SPMIP7: variants seen among roughly 807,000 people sequenced by gnomAD.
The protein encoded by SPMIP7 is protein SPMIP7.
At chr7:50,122,186 T>C in the SPMIP7 span, among the ~76,000 whole-genome samples, 1 of 152,206 alleles carries the variant, frequency 6.6e-6, no homozygotes, top group Non-Finnish European at 1.5e-5. Flanking sequence ...GTCCTCTGAA[T>C]GTATGTATGA....
At chr7:50,135,858 A>G in the SPMIP7 span, among the ~76,000 whole-genome samples, 87 of 152,318 alleles carry the variant, frequency 5.7e-4, 1 homozygote, top group Middle Eastern at 0.017. Flanking sequence ...ACAGGTGGAT[A>G]ATGAGACAGA....
the SPMIP7 span, among the ~76,000 whole-genome samples, chr7:50,099,222 A>T: frequency 6.6e-6 from 1 of 152,140 alleles, no homozygotes; most frequent in Admixed American, 6.5e-5. Flanking sequence ...CAAGTCCTCT[A>T]TGTCCTTATC....
At chr7:50,115,831 T>C in the SPMIP7 span, among the ~76,000 whole-genome samples, 1 of 152,184 alleles carries the variant, frequency 6.6e-6, no homozygotes, top group South Asian at 2.1e-4. Flanking sequence ...TATCCTTAAA[T>C]TAATAATGGA....
At chr7:50,120,202 A>G in the SPMIP7 span, 2 of 152,208 alleles carry the variant, frequency 1.3e-5, no homozygotes, top group Non-Finnish European at 2.9e-5. Flanking sequence ...CAAAATTCAT[A>G]CTAACCTTAA....
the SPMIP7 span, among the ~76,000 whole-genome samples, chr7:50,156,977 T>G: frequency 1.3e-5 from 2 of 152,154 alleles, no homozygotes; most frequent in Admixed American, 6.5e-5. Context: ...AACCTGAACC[T>G]CCTGGCTCTG....
At chr7:50,134,916 C>T in the SPMIP7 span, among the ~76,000 whole-genome samples, 1 of 152,166 alleles carries the variant, frequency 6.6e-6, no homozygotes, top group African/African-American at 2.4e-5. Flanking sequence ...TGACGTGACA[C>T]AGACCCAATT....
the SPMIP7 span, among the ~76,000 whole-genome samples, chr7:50,152,768 C>T: frequency 6.6e-6 from 1 of 151,936 alleles, no homozygotes; most frequent in Non-Finnish European, 1.5e-5. Context: ...CTCACTGCAA[C>T]CTCTTTCTCC....
chr7:50,141,368 T>C, the SPMIP7 span: 1 of 1,550,364 alleles, frequency 6.5e-7, no homozygotes, highest in East Asian at 2.4e-5. Flanking sequence ...ACTCTAAGCC[T>C]CTTTATACAA....
At chr7:50,141,268 T>C in the SPMIP7 span, 1 of 1,501,986 alleles carries the variant, frequency 6.7e-7, no homozygotes, top group African/African-American at 1.4e-5. Context: ...TTCTTTCCTT[T>C]CCATTCTAAC....
the SPMIP7 span, among the ~76,000 whole-genome samples, chr7:50,121,794 C>T: frequency 6.6e-6 from 1 of 151,698 alleles, no homozygotes; most frequent in African/African-American, 2.4e-5. Flanking sequence ...GCTAGGATTA[C>T]AGGCACTTGC....
the SPMIP7 span, among the ~76,000 whole-genome samples, chr7:50,156,229 A>G: frequency 6.6e-6 from 1 of 152,120 alleles, no homozygotes; most frequent in Admixed American, 6.5e-5. Flanking sequence ...TATCACTCTG[A>G]TTGTATCTAG....
chr7:50,114,459 A>T, the SPMIP7 span, among the ~76,000 whole-genome samples: 1 of 152,120 alleles, frequency 6.6e-6, no homozygotes, highest in East Asian at 1.9e-4. Context: ...GGAGTTAAAG[A>T]TGTATATTGT....
chr7:50,134,210 T>C, the SPMIP7 span: 1 of 1,549,256 alleles, frequency 6.5e-7, no homozygotes, highest in Non-Finnish European at 8.7e-7. Flanking sequence ...AGTGTTTTAC[T>C]CTGAAAAGAT....
At chr7:50,115,906 A>C in the SPMIP7 span, among the ~76,000 whole-genome samples, 1 of 152,272 alleles carries the variant, frequency 6.6e-6, no homozygotes, top group East Asian at 1.9e-4. Flanking sequence ...TCCCCTGTGT[A>C]AGCAATCTCA....
At chr7:50,108,684 G>A in the SPMIP7 span, among the ~76,000 whole-genome samples, 1 of 152,062 alleles carries the variant, frequency 6.6e-6, no homozygotes, top group Non-Finnish European at 1.5e-5. Context: ...TACTTACATT[G>A]ATTGTACCTA....
chr7:50,136,268 G>A, the SPMIP7 span: 4 of 824,390 alleles, frequency 4.9e-6, no homozygotes, highest in Admixed American at 8.3e-5. Context: ...GTGGGTGAGG[G>A]ATATGTTCTC....
chr7:50,113,815 G>C, the SPMIP7 span, among the ~76,000 whole-genome samples: 1 of 151,952 alleles, frequency 6.6e-6, no homozygotes, highest in African/African-American at 2.4e-5. Flanking sequence ...GAAGACACAA[G>C]ATGTTCAACA....
At chr7:50,110,724 T>A in the SPMIP7 span, among the ~76,000 whole-genome samples, 2 of 48,688 alleles carry the variant, frequency 4.1e-5, no homozygotes, top group Non-Finnish European at 8.7e-5. Context: ...TTGCATATAT[T>A]ATATTAAATA....
At chr7:50,110,788 C>G in the SPMIP7 span, among the ~76,000 whole-genome samples, 2 of 110,554 alleles carry the variant, frequency 1.8e-5, no homozygotes, top group East Asian at 4.7e-4. Flanking sequence ...ATAATTATAA[C>G]TAATATGATA....
Sources: gnomAD v4.1 joint callset for allele counts (sites outside exome capture counted in the v4.1 genomes callset) on GRCh38, gnomAD v4.1.1 for gene constraint, MANE v1.5 for transcripts, NCBI Gene and HGNC (gene_info 2026-07-23, HGNC 2026-07-21) for gene names.